Variants in RBFOX1 observed in about 807,000 individuals in gnomAD.
The protein encoded by RBFOX1 is RNA binding fox-1 homolog 1, also known as RNA binding protein fox-1 homolog 1.
RBFOX1 carries 8 observed loss-of-function variants against 57.7 expected under a neutral mutation model. That is an observed-to-expected ratio of 0.14 (90% CI 0.08 to 0.25). The LOEUF is 0.25. Ranked by LOEUF, RBFOX1 falls within the 10% of genes least tolerant of loss-of-function variation. RBFOX1 has a pLI of 1.00. For synonymous variants in RBFOX1, 326 were observed against 222.4 expected (o/e 1.47, Z -4.15); for missense variants, 611 against 548.5 (o/e 1.11, Z -1.14).
At chr16:6,233,219 CAG>C (rs1300324043) in intron 1 of RBFOX1, among the ~76,000 whole-genome samples, 1 of 152,148 alleles carries the variant, frequency 6.6e-6, no homozygotes, top group East Asian at 1.9e-4. Flanking sequence ...AGTGGCATTT[CAG>C]AGAGGCCCCT....
At chr16:7,267,832 G>A (rs1310434651) in intron 4 of RBFOX1, among the ~76,000 whole-genome samples, 1 of 152,180 alleles carries the variant, frequency 6.6e-6, no homozygotes, top group African/African-American at 2.4e-5. Flanking sequence ...CTCCAGCCGG[G>A]GCAACAGAGT....
Position 7,370,319 on chromosome 16 carries a change from G to A in RBFOX1, c.28-147828G>A, listed in dbSNP as rs192751325. ...ACTAAGAAGCAGACATGTTATCTAG[G>A]TTGGTCTTTCAGTGATGGGTAACTA... On this transcript the variant is annotated intron_variant, in intron 4 of 15. Transcript: ENST00000550418. Among the ~76,000 whole-genome samples, 4 of 152,294 alleles carry A rather than the reference G, an allele frequency of 2.6e-5. No individual in the cohort carries two copies. In the East Asian group the frequency reaches 5.8e-4, roughly 22 times the overall value.
chr16:7,617,863 G>A (rs1227969065), intron 10 of RBFOX1, among the ~76,000 whole-genome samples: 2 of 152,122 alleles, frequency 1.3e-5, no homozygotes, highest in East Asian at 1.9e-4. Context: ...GGAGTCAAGG[G>A]GGTGGTGTAA....
At chr16:5,281,796 C>T (rs1251012626) in intron 1 of RBFOX1, among the ~76,000 whole-genome samples, 3 of 152,204 alleles carry the variant, frequency 2.0e-5, no homozygotes, top group African/African-American at 7.2e-5. Context: ...AATCCCTTCA[C>T]TTTCAGTCTG....
At chr16:6,037,935 C>T (rs1170751310) in intron 1 of RBFOX1, 1 of 152,010 alleles carries the variant, frequency 6.6e-6, no homozygotes, top group East Asian at 1.9e-4. Context: ...AATGAAAAGA[C>T]TTGCAGTTTT....
At chr16:5,542,333 C>T (rs190212936) in intron 2 of RBFOX1, among the ~76,000 whole-genome samples, 217 of 150,352 alleles carry the variant, frequency 1.4e-3, no homozygotes, top group African/African-American at 5.1e-3. Flanking sequence ...ACTGCAACCT[C>T]TGCCTCCCGG....
chr16:6,730,534 T>C (rs531932261), intron 3 of RBFOX1, among the ~76,000 whole-genome samples: 2 of 152,328 alleles, frequency 1.3e-5, no homozygotes, highest in Admixed American at 1.3e-4. Context: ...AATCTGTCTA[T>C]CAATCTATGT....
At chr16:5,593,910 C>G (rs924298468) in intron 2 of RBFOX1, among the ~76,000 whole-genome samples, 22 of 152,200 alleles carry the variant, frequency 1.4e-4, no homozygotes, top group African/African-American at 5.3e-4. Flanking sequence ...AGGTACTGAC[C>G]CCATTTGTCT....
At chr16:6,309,201 A>G (rs943275844) in intron 1 of RBFOX1, among the ~76,000 whole-genome samples, 3 of 152,054 alleles carry the variant, frequency 2.0e-5, no homozygotes. Context: ...TTCCCTTTTC[A>G]TACTGGGTCT....
In RBFOX1 at chr16:6,674,675, G is replaced by A. The variant is rs185375378; in HGVS notation, c.-16+20025G>A. Among the ~76,000 whole-genome samples, 197 of 152,198 alleles carry A rather than the reference G, an allele frequency of 1.3e-3. 2 individuals are homozygous for A. The highest frequency in any genetic ancestry group is 2.7e-3 in the Admixed American group (41 of 15,282). On this transcript the variant is annotated intron_variant, in intron 3 of 15. Coordinates refer to ENST00000550418, the MANE Select transcript of RBFOX1 (RefSeq NM_018723.4). Reference sequence around the variant, plus strand: ...GGAGATGTACGAATGTAGACTCACGGGGAAGAAACCATGTGTTGATGGAGG... The same window carrying A: ...GGAGATGTACGAATGTAGACTCACGAGGAAGAAACCATGTGTTGATGGAGG...
intron 4 of RBFOX1, among the ~76,000 whole-genome samples, chr16:7,092,961 T>C (rs1026991884): frequency 6.6e-6 from 1 of 152,222 alleles, no homozygotes; most frequent in African/African-American, 2.4e-5. Flanking sequence ...ATGGTTCCTT[T>C]TCGTAGGAAC....
intron 3 of RBFOX1, among the ~76,000 whole-genome samples, chr16:6,668,717 T>A (rs1005998654): frequency 1.3e-5 from 2 of 152,204 alleles, no homozygotes; most frequent in African/African-American, 4.8e-5. Context: ...GTCATCTCTT[T>A]GAAATTTTGT....
intron 4 of RBFOX1, among the ~76,000 whole-genome samples, chr16:5,873,613 C>T (rs377683801): frequency 6.6e-6 from 1 of 152,172 alleles, no homozygotes; most frequent in Non-Finnish European, 1.5e-5. Flanking sequence ...CCTGGGAATA[C>T]GTGTACAAAG....
chr16:5,524,432 T>G (rs906473762), intron 2 of RBFOX1, among the ~76,000 whole-genome samples: 3 of 152,206 alleles, frequency 2.0e-5, no homozygotes, highest in African/African-American at 7.2e-5. Flanking sequence ...TTGTGAGTAG[T>G]GCTGCAGTGA....
At chr16:6,299,771 G>A (rs1231868083) in intron 1 of RBFOX1, among the ~76,000 whole-genome samples, 3 of 152,182 alleles carry the variant, frequency 2.0e-5, no homozygotes, top group Non-Finnish European at 1.5e-5. Flanking sequence ...AGGCGTGGCT[G>A]TCCTTATCAC....
chr16:7,047,141 C>G (rs1313895356), intron 3 of RBFOX1, among the ~76,000 whole-genome samples: 1 of 149,726 alleles, frequency 6.7e-6, no homozygotes, highest in East Asian at 2.0e-4. Flanking sequence ...TTTACCATTT[C>G]CATTTCCAGC....
At chr16:5,829,584 C>G (rs1488728954) in intron 3 of RBFOX1, among the ~76,000 whole-genome samples, 1 of 151,090 alleles carries the variant, frequency 6.6e-6, no homozygotes, top group African/African-American at 2.5e-5. Context: ...CTCCAACATC[C>G]CCCTCCATCC....
Position 7,560,787 on chromosome 16 carries a change from G to A in RBFOX1, c.271-18990G>A, listed in dbSNP as rs144615263. 3.6e-3 allele frequency among the ~76,000 whole-genome samples: 541 copies of A among 152,296 alleles called. 3 individuals carry two copies. The highest frequency in any genetic ancestry group is 0.013 in the African/African-American group (520 of 41,576). On this transcript the variant is annotated intron_variant, in intron 5 of 15. Coordinates refer to ENST00000550418, the MANE Select transcript of RBFOX1 (RefSeq NM_018723.4). ...AGAGATGATCCCAAGACTAGCGGAT[G>A]TTTCCCTTTCTTCATTTTAAGAGTT...
intron 3 of RBFOX1, among the ~76,000 whole-genome samples, chr16:5,765,190 C>T (rs780256117): frequency 5.3e-5 from 8 of 152,168 alleles, no homozygotes; most frequent in Non-Finnish European, 8.8e-5. Flanking sequence ...TTAAAGAATA[C>T]ACATATCCTC....
Sources: allele counts gnomAD v4.1 joint callset (sites outside exome capture counted in the v4.1 genomes callset), GRCh38; gene constraint gnomAD v4.1.1; transcripts MANE v1.5; gene names NCBI Gene and HGNC (gene_info 2026-07-23, HGNC 2026-07-21).